Variants in AASDH observed in about 807,000 individuals in gnomAD.
AASDH encodes beta-alanine-activating enzyme.
Under a neutral mutation model 102.3 loss-of-function variants are expected in AASDH, and 81 were observed. The ratio of observed to expected loss-of-function variants is 0.79; its 90% CI spans 0.66 to 0.95. The LOEUF (loss-of-function observed/expected upper bound fraction) is 0.95, where lower values mean the gene tolerates loss of function less well. Among genes scored for constraint, AASDH ranks in the 40% least tolerant of loss-of-function variants. AASDH has a pLI of 0.00. For synonymous variants in AASDH, 398 were observed against 454.0 expected (o/e 0.88, Z 1.57); for missense variants, 1,203 against 1,266.2 (o/e 0.95, Z 0.76).
chr4:56,352,504 C>T (rs1749128797), intron 9 of AASDH, among the ~76,000 whole-genome samples: 1 of 152,132 alleles, frequency 6.6e-6, no homozygotes, highest in Admixed American at 6.5e-5. Context: ...AGCGATCCTC[C>T]CACCTCAGCC....
At chr4:56,378,659 C>T (rs889097104) in intron 3 of AASDH, among the ~76,000 whole-genome samples, 195 bp from the exon 4 acceptor site, 3 of 152,010 alleles carry the variant, frequency 2.0e-5, no homozygotes, top group Admixed American at 2.0e-4. Flanking sequence ...ATAAACCATG[C>T]ACATCCTCCC....
intron 5 of AASDH, among the ~76,000 whole-genome samples, chr4:56,365,283 C>A (rs1750850694): frequency 6.6e-6 from 1 of 151,990 alleles, no homozygotes; most frequent in Admixed American, 6.6e-5. Context: ...GACTTTCACA[C>A]CCCACTGCCA....
intron 5 of AASDH, among the ~76,000 whole-genome samples, chr4:56,366,997 T>G (rs1240730470): frequency 6.6e-6 from 1 of 151,806 alleles, no homozygotes; most frequent in Non-Finnish European, 1.5e-5. Context: ...AAAATCTCCT[T>G]AAGCTGATAA....
At chr4:56,382,366 G>A (rs1449038845) in intron 3 of AASDH, 111 bp downstream of exon 3, 1 of 1,095,282 alleles carries the variant, frequency 9.1e-7, no homozygotes, top group Non-Finnish European at 1.3e-6. Context: ...CAAAGACTGA[G>A]AAACCTTGCC....
chr4:56,382,683 T>C, intron 2 of AASDH, 86 bp from the exon 3 acceptor site: 1 of 1,460,820 alleles, frequency 6.8e-7, no homozygotes, highest in Non-Finnish European at 9.2e-7. Context: ...GCACTTTATT[T>C]ATTTTTTGTA....
intron 11 of AASDH, chr4:56,348,830 A>T (rs1158710849): frequency 6.0e-6 from 1 of 166,706 alleles, no homozygotes; most frequent in Non-Finnish European, 1.3e-5. Context: ...ACCCAAGTCA[A>T]GCTTTCAGAT....
intron 5 of AASDH, among the ~76,000 whole-genome samples, chr4:56,365,280 A>T (rs940942229): frequency 5.3e-5 from 8 of 152,112 alleles, no homozygotes; most frequent in African/African-American, 1.7e-4. Context: ...GGAGACTTTC[A>T]CACCCCACTG....
rs146114987 is a variant in AASDH, at chr4:56,382,576, A to C, written c.252T>G (p.Ala84=). ...GTGAATCTGGCTCGATAGGTACATA[A>C]GCAGCCGGGACTTGGAGAATTCTAA... ...WILGILQVPA[A]YVPIEPDSPP... is the part of the protein sequence containing the mutation. The change falls in exon 3 of 15, where the codon GCT becomes GCG. Residue 84 remains alanine (A), a synonymous_variant. Coordinates refer to ENST00000205214, the MANE Select transcript of AASDH (RefSeq NM_181806.4). 2,939 of 1,610,536 alleles carry C rather than the reference A, an allele frequency of 1.8e-3. 4 individuals are homozygous for C. The highest frequency in any genetic ancestry group is 2.3e-3 in the Non-Finnish European group (2,750 of 1,179,092).
At position 56,338,366 on chromosome 4, in the gene AASDH, T is replaced by C; in HGVS notation, c.*36A>G. On this transcript the variant is annotated 3_prime_UTR_variant, in exon 15 of 15. Coordinates refer to ENST00000205214, the MANE Select transcript of AASDH (RefSeq NM_181806.4). ...TATAATGGTAAAATATTTTCAAATA[T>C]CTCACATTTGTTATACAAATAAGGA... 6.3e-7 allele frequency: 1 copy of C among 1,579,510 alleles called. No homozygotes were observed. Among genetic ancestry groups the C allele is most frequent in the East Asian group, 2.2e-5 (1 of 44,744 alleles).
At chr4:56,346,067 CT>C (rs1748295429) in intron 11 of AASDH, among the ~76,000 whole-genome samples, 1 of 152,204 alleles carries the variant, frequency 6.6e-6, no homozygotes, top group African/African-American at 2.4e-5. Flanking sequence ...GGCAGGAGTC[CT>C]TGACCTTGGT....
intron 4 of AASDH, among the ~76,000 whole-genome samples, chr4:56,375,684 G>A (rs1752253213): frequency 6.6e-6 from 1 of 151,970 alleles, no homozygotes; most frequent in Non-Finnish European, 1.5e-5. Flanking sequence ...TTCCTTATCT[G>A]CTTCATTTTC....
At chr4:56,384,449 A>T in intron 1 of AASDH, 108 bp from the exon 2 acceptor site, 1 of 601,560 alleles carries the variant, frequency 1.7e-6, no homozygotes, top group Non-Finnish European at 2.9e-6. Flanking sequence ...ATTATATCAA[A>T]GATATATAAA....
intron 11 of AASDH, among the ~76,000 whole-genome samples, chr4:56,348,689 G>A (rs1004165892): frequency 1.1e-4 from 17 of 152,184 alleles, no homozygotes; most frequent in African/African-American, 3.6e-4. Flanking sequence ...TAGCTGCCAT[G>A]TTGTAAGGGC....
chr4:56,373,239 G>T (rs948717732), intron 4 of AASDH, among the ~76,000 whole-genome samples: 1 of 151,920 alleles, frequency 6.6e-6, no homozygotes, highest in Admixed American at 6.6e-5. Context: ...TCCCAAGTTC[G>T]AGCGATTCTC....
Position 56,356,369 on chromosome 4 carries a change from G to A in AASDH, c.862-946C>T, listed in dbSNP as rs977517744. 6.3e-6 allele frequency: 10 copies of A among 1,587,992 alleles called. No individual in the cohort carries two copies. In the Admixed American group the frequency reaches 8.4e-5, roughly 13 times the overall value. ...ATAAGCGGCTGAAAGTGCCTCCTGC[G>A]ATTAACCAGTTCACCCAGGCCCTGG... On this transcript the variant is annotated intron_variant, in intron 5 of 14. Coordinates refer to ENST00000205214, the MANE Select transcript of AASDH (RefSeq NM_181806.4).
At chr4:56,367,251 A>G (rs1449584464) in intron 5 of AASDH, among the ~76,000 whole-genome samples, 1 of 151,850 alleles carries the variant, frequency 6.6e-6, no homozygotes, top group Non-Finnish European at 1.5e-5. Context: ...TTCCATGCTC[A>G]TGGGTAGGAA....
chr4:56,360,424 C>A (rs940641691), intron 5 of AASDH, among the ~76,000 whole-genome samples: 3 of 152,204 alleles, frequency 2.0e-5, no homozygotes, highest in African/African-American at 7.2e-5. Context: ...CTGACTATTA[C>A]AAATTAAGTG....
rs758618325 is a variant in AASDH at position 56,349,963 on chromosome 4, G to A, written c.1788C>T (p.Leu596=). Residue 596 remains leucine (L), a synonymous_variant, in exon 11 of 15, where the codon CTC becomes CTT. Transcript: ENST00000205214. ...TACCAACAAGTTTTTCAATCTCACT[G>A]AGGAGCCGGATGGACTTTAAGGAAT... ...GGDSLKSIRL[L]SEIEKLVGTS... is the part of the protein sequence containing the mutation. 1 of 1,613,758 alleles carries A rather than the reference G, an allele frequency of 6.2e-7. No individual in the cohort carries two copies. The highest frequency in any genetic ancestry group is 8.5e-7 in the Non-Finnish European group (1 of 1,180,022).
rs746613076 is a variant in AASDH, at chr4:56,355,200, G to A, written c.1085C>T (p.Thr362Ile). ...CCCTTACTTGAGAGTAGAGTTAAGAGTCTTCTCTGGAATCCTATAAATGGT... is the reference window on the plus strand; with the variant it reads ...CCCTTACTTGAGAGTAGAGTTAAGAATCTTCTCTGGAATCCTATAAATGGT... ...WATIYRIPEK[T>I]LNSTLKCELP... Residue 362 changes from threonine (T) to isoleucine (I), a missense_variant, in exon 6 of 15, where the codon ACT becomes ATT. Coordinates refer to ENST00000205214, the MANE Select transcript of AASDH (RefSeq NM_181806.4). 1 of 1,613,832 alleles carries A rather than the reference G, an allele frequency of 6.2e-7. No individual in the cohort carries two copies.
Sources: gnomAD v4.1 joint callset for allele counts (sites outside exome capture counted in the v4.1 genomes callset) on GRCh38, gnomAD v4.1.1 for gene constraint, MANE v1.5 for transcripts, NCBI Gene and HGNC (gene_info 2026-07-23, HGNC 2026-07-21) for gene names.